UBTD1: variants seen among roughly 807,000 people sequenced by gnomAD.
The protein encoded by UBTD1 is ubiquitin domain containing 1, also known as ubiquitin domain-containing protein 1.
Under a neutral mutation model 21.7 loss-of-function variants are expected in UBTD1, and 19 were observed. The observed-to-expected ratio is 0.87, with a 90% CI of 0.61 to 1.28. The LOEUF (loss-of-function observed/expected upper bound fraction) is 1.28. UBTD1 is among the 50% of genes most tolerant of loss of function. The pLI, the probability that UBTD1 is intolerant of heterozygous loss-of-function variation, is 0.00. For missense variants in UBTD1, 282 were observed against 315.1 expected (o/e 0.89, Z 0.80); for synonymous variants, 116 against 135.1 (o/e 0.86, Z 0.98).
intron 1 of UBTD1, among the ~76,000 whole-genome samples, chr10:97,504,871 C>T (rs887608005): frequency 2.0e-5 from 3 of 152,134 alleles, no homozygotes; most frequent in South Asian, 2.1e-4. Flanking sequence ...CCCAGGCTTG[C>T]GTAAGTTCTT....
At chr10:97,555,475 G>A (rs1030267522) in intron 1 of UBTD1, among the ~76,000 whole-genome samples, 2 of 152,126 alleles carry the variant, frequency 1.3e-5, no homozygotes, top group African/African-American at 2.4e-5. Flanking sequence ...GTAGCAGGAC[G>A]AGCCACAGAC....
intron 1 of UBTD1, among the ~76,000 whole-genome samples, chr10:97,540,043 T>C (rs1315488427): frequency 2.0e-5 from 3 of 152,074 alleles, no homozygotes; most frequent in African/African-American, 7.2e-5. Context: ...TCTGGAACCT[T>C]CTCTGAGGAA....
At chr10:97,525,496 A>G (rs531936786) in intron 1 of UBTD1, among the ~76,000 whole-genome samples, 74 of 152,320 alleles carry the variant, frequency 4.9e-4, no homozygotes, top group African/African-American at 1.8e-3. Flanking sequence ...GAGAAAACCA[A>G]TAGCAAAGGC....
chr10:97,559,320 C>T (rs1253311016), intron 1 of UBTD1, among the ~76,000 whole-genome samples: 2 of 152,204 alleles, frequency 1.3e-5, no homozygotes, highest in Non-Finnish European at 2.9e-5. Context: ...GGGCCTCTGG[C>T]CTGCCATGTG....
intron 1 of UBTD1, among the ~76,000 whole-genome samples, chr10:97,516,187 T>TTTG (rs2040443427): frequency 6.6e-6 from 1 of 152,062 alleles, no homozygotes; most frequent in Non-Finnish European, 1.5e-5. Flanking sequence ...TTGGAAGGAT[T>TTTG]TTGGCAAGGC....
intron 1 of UBTD1, among the ~76,000 whole-genome samples, chr10:97,565,445 T>G (rs1328410904): frequency 6.6e-6 from 1 of 152,208 alleles, no homozygotes; most frequent in Non-Finnish European, 1.5e-5. Context: ...TCTTTGAATG[T>G]TGCTTCCTTC....
intron 1 of UBTD1, among the ~76,000 whole-genome samples, chr10:97,541,920 G>A (rs1479736490): frequency 6.6e-6 from 1 of 151,944 alleles, no homozygotes; most frequent in Non-Finnish European, 1.5e-5. Context: ...ATTTTTAGTA[G>A]AGATGGAGTT....
At chr10:97,539,960 C>T (rs1469051782) in intron 1 of UBTD1, among the ~76,000 whole-genome samples, 1 of 152,200 alleles carries the variant, frequency 6.6e-6, no homozygotes, top group African/African-American at 2.4e-5. Context: ...CAAACAACCA[C>T]CCCCAGAGGG....
intron 1 of UBTD1, among the ~76,000 whole-genome samples, chr10:97,530,411 C>T (rs2040523601): frequency 6.6e-6 from 1 of 152,168 alleles, no homozygotes; most frequent in Non-Finnish European, 1.5e-5. Flanking sequence ...GCACTCCAGC[C>T]TGGGCTACAG....
chr10:97,545,964 T>C (rs1193982328), intron 1 of UBTD1, among the ~76,000 whole-genome samples: 3 of 152,162 alleles, frequency 2.0e-5, no homozygotes, highest in African/African-American at 4.8e-5. Context: ...TTTGTATTTT[T>C]AGTAGAGATG....
intron 1 of UBTD1, among the ~76,000 whole-genome samples, chr10:97,508,793 T>C (rs758545933): frequency 6.2e-4 from 94 of 152,158 alleles, no homozygotes; most frequent in Non-Finnish European, 2.4e-4. Context: ...TCAATAAATA[T>C]GCGTTGAATG....
chr10:97,529,365 G>A (rs1255564898), intron 1 of UBTD1, among the ~76,000 whole-genome samples: 2 of 152,218 alleles, frequency 1.3e-5, no homozygotes, highest in African/African-American at 2.4e-5. Context: ...ACGGGGTAGC[G>A]GCTGGGCAGA....
chr10:97,562,158 C>T (rs537556287), intron 1 of UBTD1, among the ~76,000 whole-genome samples: 1 of 152,240 alleles, frequency 6.6e-6, no homozygotes, highest in East Asian at 1.9e-4. Context: ...AATCCTAGCA[C>T]TTTGGGAGGC....
At chr10:97,526,159 G>A (rs1453363285) in intron 1 of UBTD1, among the ~76,000 whole-genome samples, 2 of 152,166 alleles carry the variant, frequency 1.3e-5, no homozygotes, top group Non-Finnish European at 2.9e-5. Flanking sequence ...CAGAGGATTC[G>A]ATCTCTGGCA....
At chr10:97,541,891 C>T (rs1372820174) in intron 1 of UBTD1, among the ~76,000 whole-genome samples, 1 of 152,078 alleles carries the variant, frequency 6.6e-6, no homozygotes, top group African/African-American at 2.4e-5. Context: ...CCTGCCACCA[C>T]ACCCAGTTGA....
intron 1 of UBTD1, among the ~76,000 whole-genome samples, chr10:97,527,761 G>C (rs1008555865): frequency 6.6e-6 from 1 of 152,076 alleles, no homozygotes; most frequent in African/African-American, 2.4e-5. Flanking sequence ...AGAGCACAGG[G>C]TTGGGGGTAA....
Position 97,569,918 on chromosome 10 carries a change from GA to G in UBTD1, c.299-207del, listed in dbSNP as rs373628847. Among the ~76,000 whole-genome samples, 901 of 125,262 alleles carry G rather than the reference GA, an allele frequency of 7.2e-3. 4 individuals are homozygous for G. The highest frequency in any genetic ancestry group is 0.048 in the Middle Eastern group (12 of 250). 82.2% of individuals were successfully genotyped at this position (125,262 alleles called of 152,430 possible). ...AACATAGGGAGATCTTGTCTCAAAAGAAAAAAAAAAAAAGGACCATTTTTCC... is the reference window on the plus strand; with the variant it reads ...AACATAGGGAGATCTTGTCTCAAAAGAAAAAAAAAAAAGGACCATTTTTCC... On this transcript the variant is annotated intron_variant, in intron 2 of 2. Transcript: ENST00000370664.
chr10:97,551,546 G>A (rs918057619), intron 1 of UBTD1, among the ~76,000 whole-genome samples: 1 of 152,184 alleles, frequency 6.6e-6, no homozygotes, highest in Non-Finnish European at 1.5e-5. Flanking sequence ...TCTTTGACCT[G>A]AAGCTTATCT....
At chr10:97,524,549 T>C (rs1282829326) in intron 1 of UBTD1, among the ~76,000 whole-genome samples, 17 of 152,204 alleles carry the variant, frequency 1.1e-4, no homozygotes, top group Admixed American at 1.0e-3. Context: ...CGATGACTTA[T>C]GTCTCATTGA....
Sources: gnomAD v4.1 joint callset for allele counts (sites outside exome capture counted in the v4.1 genomes callset) on GRCh38, gnomAD v4.1.1 for gene constraint, MANE v1.5 for transcripts, NCBI Gene and HGNC (gene_info 2026-07-23, HGNC 2026-07-21) for gene names.